Variants in FCHO2 observed in about 807,000 individuals in gnomAD.
The protein encoded by FCHO2 is F-BAR domain only protein 2.
In FCHO2, 43 loss-of-function variants were observed where a neutral mutation model predicts 114.1. The ratio of observed to expected loss-of-function variants is 0.38; its 90% CI spans 0.30 to 0.49. The LOEUF (loss-of-function observed/expected upper bound fraction) is 0.49. FCHO2 is among the 20% of genes least tolerant of loss of function. FCHO2 has a pLI of 0.97. For synonymous variants in FCHO2, 293 were observed against 315.2 expected, an observed-to-expected ratio of 0.93 and a Z score of 0.75; for missense variants, 807 against 950.4, an observed-to-expected ratio of 0.85 and a Z score of 1.98.
chr5:72,960,213 AAGC>A (rs1164633496), intron 1 of FCHO2, among the ~76,000 whole-genome samples: 1 of 152,244 alleles, frequency 6.6e-6, no homozygotes, highest in Non-Finnish European at 1.5e-5. Flanking sequence ...GCTCTTTTGA[AAGC>A]AGCACATTCT....
At chr5:73,068,127 G>C (rs951304159) in intron 18 of FCHO2, among the ~76,000 whole-genome samples, 1 of 152,076 alleles carries the variant, frequency 6.6e-6, no homozygotes, top group East Asian at 1.9e-4. Context: ...TAAGGCAAAG[G>C]CTTAGTGAAA....
intron 1 of FCHO2, among the ~76,000 whole-genome samples, chr5:72,961,320 C>T (rs956867991): frequency 2.0e-5 from 3 of 152,054 alleles, no homozygotes; most frequent in Non-Finnish European, 4.4e-5. Flanking sequence ...ATATCTTTAG[C>T]AAATTAGTTT....
rs1393667044 is a variant in FCHO2, at chr5:73,019,803, G to A, written c.796+2495G>A. On this transcript the variant is annotated intron_variant, in intron 8 of 25. Coordinates refer to ENST00000430046, the MANE Select transcript of FCHO2 (RefSeq NM_138782.3). ...CCAGAGCAGTCATTCTGGTGGTAAC[G>A]GTGTCCCCAAACTAAACAAACCCAT... Among the ~76,000 whole-genome samples the A allele has an allele frequency of 3.9e-5, 6 of 152,226 alleles. No individual in the cohort carries two copies. The East Asian group carries it at 5.8e-4, about 15-fold the overall frequency.
chr5:73,055,943 A>G lies in FCHO2; in HGVS notation c.1211-122A>G, dbSNP rs1580176714. ...TTGTTAAAATATTGTTTGTATTTAC[A>G]TTATCAATTCCAAAATTTTTAATTG... On this transcript the variant is annotated intron_variant, in intron 15 of 25. Coordinates refer to ENST00000430046, the MANE Select transcript of FCHO2 (RefSeq NM_138782.3). 14 of 628,760 alleles carry G rather than the reference A, an allele frequency of 2.2e-5. No individual in the cohort carries two copies. The East Asian group carries it at 4.5e-4, about 20-fold the overall frequency. 38.9% of individuals were successfully genotyped at this position (628,760 alleles called of 1,614,324 possible). A position where few individuals can be genotyped will look rare whatever the true frequency, so the allele number is the denominator to read the frequency against.
In FCHO2 at chr5:73,041,599, G is replaced by C. The variant is rs961096942; in HGVS notation, c.939+284G>C. ...TGTTTTTTTCTTGGGAAACATGCCA[G>C]AAATCAAATCTGTATACTTTATTTT... On this transcript the variant is annotated intron_variant, in intron 11 of 25. Coordinates refer to ENST00000430046, the MANE Select transcript of FCHO2 (RefSeq NM_138782.3). Among the ~76,000 whole-genome samples the C allele has an allele frequency of 3.3e-5, 5 of 151,966 alleles. No individual in the cohort carries two copies. In the South Asian group the frequency reaches 8.3e-4, roughly 25 times the overall value.
chr5:72,989,410 G>T lies in FCHO2; in HGVS notation c.126-17G>T. On this transcript the variant is annotated splice_polypyrimidine_tract_variant and intron_variant, in intron 2 of 25. Coordinates refer to ENST00000430046, the MANE Select transcript of FCHO2 (RefSeq NM_138782.3). ...ACTAAATAAGAAGTATTATGATGTG[G>T]ATATTTGATTTAACAGAGCTACCAT... is the stretch of plus-strand genomic sequence containing the variant. The T allele has an allele frequency of 6.3e-7, 1 of 1,584,898 alleles. No individual in the cohort carries two copies. The highest frequency in any genetic ancestry group is 8.6e-7 in the Non-Finnish European group (1 of 1,161,376).
At chr5:73,081,382 G>GTT (rs1438315240) in intron 22 of FCHO2, among the ~76,000 whole-genome samples, 2 of 152,118 alleles carry the variant, frequency 1.3e-5, no homozygotes, top group Non-Finnish European at 2.9e-5. Flanking sequence ...TTTTTCTCGT[G>GTT]TTCTAAATCT....
intron 5 of FCHO2, among the ~76,000 whole-genome samples, chr5:72,993,588 A>T (rs562631577): frequency 6.6e-6 from 1 of 152,290 alleles, no homozygotes; most frequent in East Asian, 1.9e-4. Flanking sequence ...CCTCATATGA[A>T]ATCAGAATGC....
Position 72,990,836 on chromosome 5 carries a change from A to G in FCHO2, c.467A>G (p.Glu156Gly). ...GTAGAACAGGAGCGTTTGAAAAAGG[A>G]AGGAGCTACACAAAGAGAAATAGAA... is the stretch of plus-strand genomic sequence containing the variant. ...KCVEQERLKK[E>G]GATQREIEKA... is the part of the protein sequence containing the mutation. The change falls in exon 5 of 26, where the codon GAA becomes GGA. Residue 156 changes from glutamate (E) to glycine (G), a missense_variant. Coordinates refer to ENST00000430046, the MANE Select transcript of FCHO2 (RefSeq NM_138782.3). 3 of 1,550,356 alleles carry G rather than the reference A, an allele frequency of 1.9e-6. No homozygotes were observed. The highest frequency in any genetic ancestry group is 2.6e-6 in the Non-Finnish European group (3 of 1,146,710).
chr5:73,027,157 C>G (rs1161658535), intron 8 of FCHO2, among the ~76,000 whole-genome samples: 11 of 150,714 alleles, frequency 7.3e-5, no homozygotes, highest in Non-Finnish European at 1.5e-5. Context: ...TTTTGTATAT[C>G]TTTTTATATT....
chr5:73,022,913 T>G (rs1300031975), intron 8 of FCHO2, among the ~76,000 whole-genome samples: 1 of 152,188 alleles, frequency 6.6e-6, no homozygotes, highest in Non-Finnish European at 1.5e-5. Context: ...ACATCAACAG[T>G]CCAAGCCTAT....
intron 8 of FCHO2, among the ~76,000 whole-genome samples, chr5:73,029,853 C>A (rs1756135484): frequency 6.6e-6 from 1 of 152,128 alleles, no homozygotes; most frequent in South Asian, 2.1e-4. Flanking sequence ...CATGAAAGAT[C>A]CTCCTGCATG....
chr5:73,065,343 A>C, intron 18 of FCHO2, among the ~76,000 whole-genome samples: 1 of 152,036 alleles, frequency 6.6e-6, no homozygotes, highest in Admixed American at 6.6e-5. Flanking sequence ...AAAATTTGGA[A>C]AACAGAGAAA....
Position 72,978,922 on chromosome 5 carries a change from C to T in FCHO2, c.125+10333C>T, listed in dbSNP as rs966138184. Among the ~76,000 whole-genome samples, 15 of 152,142 alleles carry T rather than the reference C, an allele frequency of 9.9e-5. No homozygotes were observed. In the East Asian group the frequency reaches 1.4e-3, roughly 14 times the overall value. On this transcript the variant is annotated intron_variant, in intron 2 of 25. Coordinates refer to ENST00000430046, the MANE Select transcript of FCHO2 (RefSeq NM_138782.3). ...GTGATGGATTACATTTATTGATTTG[C>T]GTATGTTGAACCAGCCTTGCATCCC...
chr5:73,077,604 T>A, intron 21 of FCHO2, 111 bp downstream of exon 21: 1 of 1,173,082 alleles, frequency 8.5e-7, no homozygotes, highest in Non-Finnish European at 1.2e-6. Context: ...CTGAGGCAGG[T>A]GGATTGCTTG....
intron 6 of FCHO2, among the ~76,000 whole-genome samples, chr5:73,008,790 ATG>A (rs1473595056): frequency 2.6e-5 from 4 of 152,180 alleles, no homozygotes; most frequent in African/African-American, 9.7e-5. Flanking sequence ...AGAAATATTA[ATG>A]TGTTTGATAA....
intron 6 of FCHO2, among the ~76,000 whole-genome samples, chr5:73,007,449 T>G (rs1754777852): frequency 6.6e-6 from 1 of 152,208 alleles, no homozygotes. Flanking sequence ...ATGGATTTGT[T>G]TTGTTTACTG....
intron 24 of FCHO2, among the ~76,000 whole-genome samples, chr5:73,085,981 G>A (rs1477889959): frequency 1.3e-5 from 2 of 151,704 alleles, no homozygotes; most frequent in African/African-American, 2.4e-5. Flanking sequence ...AATTAGCCAG[G>A]CATGGTGGTG....
In FCHO2 at chr5:73,042,798, A is replaced by G. The variant is rs192353712; in HGVS notation, c.939+1483A>G. ...AAAGGGCATAGGATAAAAATGGTCA[A>G]TTTTCATAAAAAGAAATAAAAGTGA... On this transcript the variant is annotated intron_variant, in intron 11 of 25. Transcript: ENST00000430046. Among the ~76,000 whole-genome samples, 5 of 152,338 alleles carry G rather than the reference A, an allele frequency of 3.3e-5. 1 individual carries two copies. Among genetic ancestry groups the G allele is most frequent in the Admixed American group, 2.6e-4 (4 of 15,300 alleles).
Sources: allele counts gnomAD v4.1 joint callset (sites outside exome capture counted in the v4.1 genomes callset), GRCh38; gene constraint gnomAD v4.1.1; transcripts MANE v1.5; gene names NCBI Gene and HGNC (gene_info 2026-07-23, HGNC 2026-07-21).